The following PPM1L variants were observed in gnomAD, a reference collection of about 807,000 sequenced individuals.
The protein encoded by PPM1L is protein phosphatase 1L.
A neutral mutation model predicts 31.4 loss-of-function variants in PPM1L; 13 were observed. The ratio of observed to expected loss-of-function variants is 0.41; its 90% CI spans 0.27 to 0.66. The LOEUF (loss-of-function observed/expected upper bound fraction) is 0.66, where lower values mean the gene tolerates loss of function less well. Among genes scored for constraint, PPM1L ranks in the 30% least tolerant of loss-of-function variants. The pLI is 0.29. For missense variants in PPM1L, 326 were observed against 453.7 expected (o/e 0.72, Z 2.56); for synonymous variants, 184 against 175.4 (o/e 1.05, Z -0.39).
rs993710698 is a variant in PPM1L at position 161,014,854 on chromosome 3, T to A, written c.575-50549T>A. ...TGCCTTCATGTTTTGGTTTGGGATA[T>A]TTGGGGATGGGGGGAGTCATATTGT... is the stretch of plus-strand genomic sequence containing the variant. On this transcript the variant is annotated intron_variant, in intron 2 of 3. Coordinates refer to ENST00000498165, the MANE Select transcript of PPM1L (RefSeq NM_139245.4). Among the ~76,000 whole-genome samples, 4 of 152,180 alleles carry A rather than the reference T, an allele frequency of 2.6e-5. 1 individual carries two copies. In the South Asian group the frequency reaches 8.3e-4, roughly 32 times the overall value.
intron 1 of PPM1L, among the ~76,000 whole-genome samples, chr3:160,829,771 G>A (rs1004519592): frequency 1.3e-5 from 2 of 152,146 alleles, no homozygotes; most frequent in African/African-American, 4.8e-5. Flanking sequence ...AAGTTATTAA[G>A]GGAGCAGCAG....
intron 1 of PPM1L, among the ~76,000 whole-genome samples, chr3:160,843,426 T>TTTTATATATATATA (rs1169156583): frequency 2.1e-5 from 1 of 47,534 alleles, no homozygotes; most frequent in African/African-American, 7.2e-5. Context: ...GGCAATTCTT[T>TTTTATATATATATA]TATATATATA....
chr3:161,027,301 A>T (rs1217007554), intron 2 of PPM1L, among the ~76,000 whole-genome samples: 1 of 152,196 alleles, frequency 6.6e-6, no homozygotes, highest in Non-Finnish European at 1.5e-5. Flanking sequence ...ATCAAGGTGT[A>T]GGCCTAGGAG....
intron 1 of PPM1L, among the ~76,000 whole-genome samples, chr3:160,784,931 G>A (rs1576636086): frequency 2.6e-5 from 4 of 152,314 alleles, no homozygotes; most frequent in Middle Eastern, 3.4e-3. Context: ...GTGATTGTTT[G>A]GGAAAGAGTA....
intron 1 of PPM1L, among the ~76,000 whole-genome samples, chr3:160,868,924 T>C (rs951998084): frequency 3.3e-5 from 5 of 152,180 alleles, no homozygotes; most frequent in African/African-American, 4.8e-5. Context: ...TTAAGGGTAA[T>C]AGTTATTGTT....
intron 1 of PPM1L, among the ~76,000 whole-genome samples, chr3:160,790,472 G>T (rs1330138438): frequency 2.0e-5 from 3 of 152,050 alleles, no homozygotes; most frequent in Non-Finnish European, 1.5e-5. Flanking sequence ...AGGCAAACTG[G>T]CCTGGCAGAG....
chr3:161,067,207 T>C (rs928892744), intron 3 of PPM1L, among the ~76,000 whole-genome samples: 16 of 152,212 alleles, frequency 1.1e-4, no homozygotes, highest in African/African-American at 2.2e-4. Flanking sequence ...GGCCATTTTA[T>C]GCTTCCTCTT....
chr3:160,775,475 C>G (rs1711540924), intron 1 of PPM1L, among the ~76,000 whole-genome samples: 1 of 152,186 alleles, frequency 6.6e-6, no homozygotes, highest in African/African-American at 2.4e-5. Context: ...CTCACAGCTC[C>G]TGCAGTGTAA....
At chr3:160,944,811 CAT>C (rs1424848811) in intron 1 of PPM1L, among the ~76,000 whole-genome samples, 71 of 6,888 alleles carry the variant, frequency 0.01, 7 homozygotes, top group African/African-American at 0.019. Flanking sequence ...ACATATATAA[CAT>C]ATATATGTTA....
rs1715865239 is a variant in PPM1L, at chr3:160,958,909, G to GAT, written c.400-2826_400-2825insTA. ...ATCCTAAATTTTGTTATCATTTAAA[G>GAT]AGAAAATCATGAAGGTTATAAAGAA... is the stretch of plus-strand genomic sequence containing the variant. On this transcript the variant is annotated intron_variant, in intron 1 of 3. Transcript: ENST00000498165. Among the ~76,000 whole-genome samples, 4 of 152,252 alleles carry GAT rather than the reference G, an allele frequency of 2.6e-5. No homozygotes were observed. The East Asian group carries it at 5.8e-4, about 22-fold the overall frequency.
At chr3:160,903,352 A>G (rs1328107130) in intron 1 of PPM1L, among the ~76,000 whole-genome samples, 2 of 152,056 alleles carry the variant, frequency 1.3e-5, no homozygotes, top group African/African-American at 4.8e-5. Flanking sequence ...TCTTTGTTAC[A>G]GTCTTGAGTA....
intron 2 of PPM1L, among the ~76,000 whole-genome samples, chr3:160,972,342 C>T (rs1282964643): frequency 1.3e-5 from 2 of 148,574 alleles, no homozygotes; most frequent in Non-Finnish European, 3.0e-5. Context: ...AATGCTATCC[C>T]TCTCCCCTCC....
chr3:161,014,440 A>C (rs1188260102), intron 2 of PPM1L, among the ~76,000 whole-genome samples: 1 of 149,668 alleles, frequency 6.7e-6, no homozygotes, highest in African/African-American at 2.5e-5. Context: ...CTGTCAGCTC[A>C]TACTGCCAAA....
chr3:160,838,695 T>C (rs904860773), intron 1 of PPM1L, among the ~76,000 whole-genome samples: 2 of 152,122 alleles, frequency 1.3e-5, no homozygotes, highest in Non-Finnish European at 2.9e-5. Flanking sequence ...AATTACTGTT[T>C]TAGGGAGGGA....
chr3:161,077,098 A>G lies in PPM1L; in HGVS notation c.*7941A>G, dbSNP rs1720127265. 1 of 152,212 alleles carries G rather than the reference A, an allele frequency of 6.6e-6. No individual in the cohort carries two copies. The allele number at this position is 152,212 out of a possible 1,614,324, so 9.4% of individuals were successfully genotyped here. On this transcript the variant is annotated 3_prime_UTR_variant, in exon 4 of 4. Transcript: ENST00000498165. ...TACACCCTATTGGGGTGTCAGAGAT[A>G]TTATAACACTCAATATTGACCCAAT...
rs184176996 is a variant in PPM1L, at chr3:160,821,111, A to G, written c.399+64404A>G. Among the ~76,000 whole-genome samples, 37 of 152,164 alleles carry G rather than the reference A, an allele frequency of 2.4e-4. No individual in the cohort carries two copies. The East Asian group carries it at 6.0e-3, about 25-fold the overall frequency. Reference sequence around the variant, plus strand: ...ACAGGAACAAAGCGGTGTGTGCTGTATGAGAATCACCGGTCATGGCCCTTG... The same window carrying G: ...ACAGGAACAAAGCGGTGTGTGCTGTGTGAGAATCACCGGTCATGGCCCTTG... On this transcript the variant is annotated intron_variant, in intron 1 of 3. Transcript: ENST00000498165.
intron 1 of PPM1L, among the ~76,000 whole-genome samples, chr3:160,809,537 A>G (rs1427922359): frequency 6.6e-6 from 1 of 152,086 alleles, no homozygotes; most frequent in African/African-American, 2.4e-5. Context: ...CATGGTGCCC[A>G]CGGAGCCTCA....
intron 1 of PPM1L, among the ~76,000 whole-genome samples, chr3:160,904,897 G>C (rs192202208): frequency 6.6e-6 from 1 of 152,298 alleles, no homozygotes; most frequent in African/African-American, 2.4e-5. Context: ...TGAACCTGCT[G>C]TTCCTCAGTT....
chr3:160,867,656 C>T (rs1029665979), intron 1 of PPM1L, among the ~76,000 whole-genome samples: 2 of 151,988 alleles, frequency 1.3e-5, no homozygotes, highest in Admixed American at 1.3e-4. Flanking sequence ...TAATGAAGTA[C>T]TTGAAAATAT....
Sources: gnomAD v4.1 joint callset for allele counts (sites outside exome capture counted in the v4.1 genomes callset) on GRCh38, gnomAD v4.1.1 for gene constraint, MANE v1.5 for transcripts, NCBI Gene and HGNC (gene_info 2026-07-23, HGNC 2026-07-21) for gene names.